The following LRP1B variants were observed in gnomAD, a reference collection of about 807,000 sequenced individuals.
LRP1B encodes low-density lipoprotein receptor-related protein 1B.
A neutral mutation model predicts 556.6 loss-of-function variants in LRP1B; 217 were observed. That is an observed-to-expected ratio of 0.39 (90% CI 0.35 to 0.44). The LOEUF (loss-of-function observed/expected upper bound fraction) is 0.44. LRP1B is among the 20% of genes least tolerant of loss of function. The probability of loss-of-function intolerance (pLI) is 1.00; values close to 1 mark genes in which losing one functional copy is unlikely to be tolerated. For missense variants in LRP1B, 5,053 were observed against 5,620.8 expected, an observed-to-expected ratio of 0.90 and a Z score of 3.23; for synonymous variants, 2,047 against 1,865.8, an observed-to-expected ratio of 1.10 and a Z score of -2.50.
chr2:141,552,590 AG>A (rs2105231954), intron 2 of LRP1B, among the ~76,000 whole-genome samples: 1 of 152,162 alleles, frequency 6.6e-6, no homozygotes, highest in African/African-American at 2.4e-5. Context: ...TAGCACTGCT[AG>A]TGATAGGAGG....
At chr2:140,879,721 A>G (rs1373865046) in intron 25 of LRP1B, among the ~76,000 whole-genome samples, 3 of 152,076 alleles carry the variant, frequency 2.0e-5, no homozygotes, top group African/African-American at 7.2e-5. Context: ...TCAAGTATAC[A>G]AAGACTTAAT....
chr2:141,713,075 T>C (rs1692426308), intron 2 of LRP1B, among the ~76,000 whole-genome samples: 1 of 149,852 alleles, frequency 6.7e-6, no homozygotes, highest in Non-Finnish European at 1.5e-5. Context: ...AATGTTATTT[T>C]AAAATAATTT....
At chr2:142,084,996 T>C (rs958282381) in intron 1 of LRP1B, among the ~76,000 whole-genome samples, 3 of 152,220 alleles carry the variant, frequency 2.0e-5, no homozygotes, top group Admixed American at 2.0e-4. Flanking sequence ...TAGAGGTTTA[T>C]AGAATAAAGT....
intron 11 of LRP1B, among the ~76,000 whole-genome samples, chr2:141,033,272 C>G (rs182562018): frequency 6.6e-6 from 1 of 151,890 alleles, no homozygotes; most frequent in Non-Finnish European, 1.5e-5. Context: ...AAAATGAGAA[C>G]AGAGAAGCAG....
chr2:140,518,049 C>T (rs1008587988), intron 49 of LRP1B, among the ~76,000 whole-genome samples: 2 of 151,946 alleles, frequency 1.3e-5, no homozygotes, highest in Non-Finnish European at 2.9e-5. Flanking sequence ...TTCCATTGCT[C>T]CTTCAGGTTT....
chr2:141,268,867 A>C (rs1684986514), intron 3 of LRP1B, among the ~76,000 whole-genome samples: 1 of 152,196 alleles, frequency 6.6e-6, no homozygotes, highest in Non-Finnish European at 1.5e-5. Context: ...GCTCTATCCC[A>C]GGAACAGATC....
At chr2:140,515,014 G>T (rs1445964328) in intron 50 of LRP1B, among the ~76,000 whole-genome samples, 5 of 151,884 alleles carry the variant, frequency 3.3e-5, no homozygotes, top group African/African-American at 1.2e-4. Flanking sequence ...TTGCCTTTGA[G>T]GTAGTCCTAA....
chr2:141,001,529 C>T (rs1358699838), intron 15 of LRP1B, among the ~76,000 whole-genome samples: 1 of 152,064 alleles, frequency 6.6e-6, no homozygotes. Context: ...TCCAAGTGTT[C>T]TCATTGTTCA....
chr2:140,284,315 A>T (rs1683037373), intron 84 of LRP1B, among the ~76,000 whole-genome samples: 1 of 145,140 alleles, frequency 6.9e-6, no homozygotes, highest in African/African-American at 2.5e-5. Flanking sequence ...CCCCAAAAAA[A>T]AACCGTTTTT....
intron 66 of LRP1B, among the ~76,000 whole-genome samples, chr2:140,398,724 C>T (rs1170711128): frequency 6.6e-6 from 1 of 152,064 alleles, no homozygotes. Flanking sequence ...TTATATTTGT[C>T]TTTGAACACG....
chr2:142,089,714 G>A lies in LRP1B; in HGVS notation c.82+40934C>T, dbSNP rs530031163. Among the ~76,000 whole-genome samples, 6 of 152,204 alleles carry A rather than the reference G, an allele frequency of 3.9e-5. No homozygotes were observed. In the East Asian group the frequency reaches 5.8e-4, roughly 15 times the overall value. ...TTGTCACTCTTTAGAAAGTAGGGAG[G>A]CAATGAAGATACTCAAGAAGGATTG... On this transcript the variant is annotated intron_variant, in intron 1 of 90. Transcript: ENST00000389484.
intron 7 of LRP1B, among the ~76,000 whole-genome samples, chr2:141,096,116 G>A (rs1700292550): frequency 6.6e-6 from 1 of 151,844 alleles, no homozygotes. Context: ...GATCTTGAAC[G>A]CTAAATATTT....
chr2:141,451,524 G>A lies in LRP1B; in HGVS notation c.343+28872C>T, dbSNP rs112568809. ...CTCCTCAGTACTGTAGGCACCTGTG[G>A]ATAATTCATTGAAGAACAAAATTGT... On this transcript the variant is annotated intron_variant, in intron 3 of 90. Coordinates refer to ENST00000389484, the MANE Select transcript of LRP1B (RefSeq NM_018557.3). 3.9e-3 allele frequency among the ~76,000 whole-genome samples: 592 copies of A among 152,200 alleles called. 4 individuals are homozygous for A. Among genetic ancestry groups the A allele is most frequent in the African/African-American group, 0.013 (558 of 41,524 alleles).
chr2:141,010,321 T>C (rs763726863), intron 14 of LRP1B, among the ~76,000 whole-genome samples: 6 of 152,042 alleles, frequency 3.9e-5, no homozygotes, highest in Non-Finnish European at 7.4e-5. Flanking sequence ...TTGTTCTAGA[T>C]ATCTAATGTT....
At chr2:141,191,840 A>G (rs909413873) in intron 6 of LRP1B, among the ~76,000 whole-genome samples, 1 of 152,042 alleles carries the variant, frequency 6.6e-6, no homozygotes, top group East Asian at 1.9e-4. Context: ...GTCGTTTCAA[A>G]TATCTTGGGT....
intron 83 of LRP1B, among the ~76,000 whole-genome samples, chr2:140,300,877 C>T (rs781445870): frequency 1.4e-4 from 22 of 152,008 alleles, no homozygotes; most frequent in Non-Finnish European, 3.1e-4. Context: ...TATATTTTAG[C>T]TCTGATTATT....
intron 33 of LRP1B, among the ~76,000 whole-genome samples, chr2:140,775,765 GTTCA>G (rs2104949387): frequency 6.6e-6 from 1 of 152,190 alleles, no homozygotes; most frequent in East Asian, 1.9e-4. Flanking sequence ...AAGTCCCCTA[GTTCA>G]TTCAGATTCT....
At chr2:141,111,806 T>C (rs1239386964) in intron 7 of LRP1B, among the ~76,000 whole-genome samples, 3 of 151,968 alleles carry the variant, frequency 2.0e-5, no homozygotes, top group African/African-American at 7.2e-5. Flanking sequence ...ATCCCAGCAC[T>C]TTGGGAGGCC....
intron 3 of LRP1B, among the ~76,000 whole-genome samples, chr2:141,311,145 T>C (rs1377855562): frequency 6.6e-6 from 1 of 152,214 alleles, no homozygotes; most frequent in Non-Finnish European, 1.5e-5. Context: ...GGCCATGTGT[T>C]TATACATACA....
Sources: allele counts gnomAD v4.1 joint callset (sites outside exome capture counted in the v4.1 genomes callset), GRCh38; gene constraint gnomAD v4.1.1; transcripts MANE v1.5; gene names NCBI Gene and HGNC (gene_info 2026-07-23, HGNC 2026-07-21).